The following PHACTR2 variants were observed in gnomAD, a reference collection of about 807,000 sequenced individuals.
The protein encoded by PHACTR2 is phosphatase and actin regulator 2.
PHACTR2 carries 30 observed loss-of-function variants against 76.0 expected under a neutral mutation model. The ratio of observed to expected loss-of-function variants is 0.39; its 90% confidence interval spans 0.30 to 0.54. The LOEUF is 0.54. Among genes scored for constraint, PHACTR2 ranks in the 20% least tolerant of loss-of-function variants. PHACTR2 has a pLI of 0.61. For missense variants in PHACTR2, 696 were observed against 781.1 expected, an observed-to-expected ratio of 0.89 and a Z score of 1.30; for synonymous variants, 292 against 292.5, an observed-to-expected ratio of 1.00 and a Z score of 0.02.
In PHACTR2 at chr6:143,623,565, A is replaced by G. The variant is rs972708918; in HGVS notation, c.13+15243A>G. Among the ~76,000 whole-genome samples the G allele has an allele frequency of 6.6e-6, 1 of 152,146 alleles. No homozygotes were observed. Reference sequence around the variant, plus strand: ...ACTCCAGCATGGGCAACAGAGTGAGACTCTGACTCGAAATAATAATAATAG... The same window carrying G: ...ACTCCAGCATGGGCAACAGAGTGAGGCTCTGACTCGAAATAATAATAATAG... On this transcript the variant is annotated intron_variant, in intron 1 of 11. Transcript: ENST00000305766. This position sits in a 1 kb window ranked among gnomAD's most constrained non-coding sequence, Gnocchi z 5.9.
chr6:143,769,049 A>G (rs1459660187), intron 6 of PHACTR2, among the ~76,000 whole-genome samples: 1 of 152,150 alleles, frequency 6.6e-6, no homozygotes, highest in Non-Finnish European at 1.5e-5. Flanking sequence ...GTTATGTTTC[A>G]TCAACTAATG....
chr6:143,719,005 C>G (rs1043737500), intron 2 of PHACTR2, among the ~76,000 whole-genome samples: 2 of 151,638 alleles, frequency 1.3e-5, no homozygotes, highest in Admixed American at 6.6e-5. Context: ...GCCTCAGCCT[C>G]CTGAGTAGCA....
rs1775791500 is a variant in PHACTR2 at position 143,794,897 on chromosome 6, A to C, written c.1845+5987A>C. On this transcript the variant is annotated intron_variant, in intron 11 of 12. Coordinates refer to ENST00000440869, the MANE Select transcript of PHACTR2 (RefSeq NM_001100164.2). This position sits in a 1 kb window ranked among gnomAD's most constrained non-coding sequence, Gnocchi z 4.1. ...TCTCTTATCTTAGTGCCATTTTCTT[A>C]GCCCCATTAAGCTACCACCTTGCAT... Among the ~76,000 whole-genome samples the C allele has an allele frequency of 6.6e-6, 1 of 152,270 alleles. No individual in the cohort carries two copies. The highest frequency in any genetic ancestry group is 2.1e-4 in the South Asian group (1 of 4,824).
chr6:143,573,742 C>T (rs12176035), intron 1 of PHACTR2, among the ~76,000 whole-genome samples: 1 of 151,918 alleles, frequency 6.6e-6, no homozygotes, highest in Non-Finnish European at 1.5e-5. Context: ...ATTATGATGT[C>T]CTTGAAACTG....
chr6:143,744,891 A>G (rs1779022777), intron 2 of PHACTR2, among the ~76,000 whole-genome samples: 1 of 152,200 alleles, frequency 6.6e-6, no homozygotes, highest in South Asian at 2.1e-4. Context: ...GAACTGTCAA[A>G]ACATCAATTA....
rs183826614 is a variant in PHACTR2 at position 143,565,549 on chromosome 6, G to A, written c.217+28342G>A. 5.6e-3 allele frequency among the ~76,000 whole-genome samples: 845 copies of A among 151,186 alleles called. 10 individuals carry two copies. The highest frequency in any genetic ancestry group is 0.019 in the African/African-American group (799 of 41,084). ...GAACCCGGGAGGCGGAGCTTGCAGTGAGCCAAGATCGCGCCACTGCACTCC... is the reference window on the plus strand; with the variant it reads ...GAACCCGGGAGGCGGAGCTTGCAGTAAGCCAAGATCGCGCCACTGCACTCC... On this transcript the variant is annotated intron_variant, in intron 1 of 11. Coordinates refer to the PHACTR2 transcript ENST00000367584.
rs575781351 is a variant in PHACTR2 at position 143,627,758 on chromosome 6, C to T, written c.13+19436C>T. ...CTGGGACTACAGGCTCGTACCGCCA[C>T]GCCCAGCTAATTTTTTGTATTTTTA... On this transcript the variant is annotated intron_variant, in intron 1 of 11. Transcript: ENST00000305766. The surrounding 1 kb of genome is among the most constrained non-coding windows in gnomAD (Gnocchi z 4.3). Among the ~76,000 whole-genome samples the T allele has an allele frequency of 2.1e-4, 32 of 152,184 alleles. No individual in the cohort carries two copies. The South Asian group carries it at 4.6e-3, about 22-fold the overall frequency.
intron 7 of PHACTR2, among the ~76,000 whole-genome samples, chr6:143,773,832 T>A (rs1234383280): frequency 6.6e-6 from 1 of 152,236 alleles, no homozygotes; most frequent in East Asian, 1.9e-4. Flanking sequence ...TTTTTCATGG[T>A]GTCCCAATAT....
intron 1 of PHACTR2, among the ~76,000 whole-genome samples, chr6:143,544,455 TGCCACC>T (rs1781204372): frequency 6.6e-6 from 1 of 152,136 alleles, no homozygotes; most frequent in African/African-American, 2.4e-5. Flanking sequence ...GATTGACACC[TGCCACC>T]TCCCTATGCT....
At position 143,596,792 on chromosome 6, in the gene PHACTR2, C is replaced by T. The variant is rs1211339353; in HGVS notation, c.217+59585C>T. On this transcript the variant is annotated intron_variant, in intron 1 of 11. Coordinates refer to the PHACTR2 transcript ENST00000367584. This position sits in a 1 kb window ranked among gnomAD's most constrained non-coding sequence, Gnocchi z 4.6. ...GTTTGAGGTTGCAGTGAACTGTGAT[C>T]GTGCCACAGCATTCCAGCTTGAGTG... 6.6e-6 allele frequency among the ~76,000 whole-genome samples: 1 copy of T among 152,068 alleles called. No individual in the cohort carries two copies. Among genetic ancestry groups the T allele is most frequent in the Non-Finnish European group, 1.5e-5 (1 of 68,014 alleles).
chr6:143,666,736 C>T (rs2128449620), intron 1 of PHACTR2, among the ~76,000 whole-genome samples: 1 of 152,236 alleles, frequency 6.6e-6, no homozygotes, highest in Non-Finnish European at 1.5e-5. Flanking sequence ...TTTGTTTTTT[C>T]TTGTAAATTT....
rs1779275327 is a variant in PHACTR2, at chr6:143,755,363, A to G, written c.454+1451A>G. On this transcript the variant is annotated intron_variant, in intron 4 of 12. Transcript: ENST00000440869. This position sits in a 1 kb window ranked among gnomAD's most constrained non-coding sequence, Gnocchi z 5.2. ...CCTGGCAGCCTTCTCACATCCAAGA[A>G]TCGCATCCTGCATTACGTAACAGTG... The G allele has an allele frequency of 4.4e-6, 2 of 455,896 alleles. No individual in the cohort carries two copies. Among genetic ancestry groups the G allele is most frequent in the African/African-American group, 2.0e-5 (1 of 50,060 alleles). 28.2% of individuals were successfully genotyped at this position (455,896 alleles called of 1,614,324 possible). A position where few individuals can be genotyped will look rare whatever the true frequency, so the allele number is the denominator to read the frequency against.
rs959213714 is a variant in PHACTR2, at chr6:143,652,624, G to C, written c.13+44302G>C. ...ATCTTATTAAAAAGCTCAGGGTTTC[G>C]GGAATCCGACTGTTCTGCAAATGCC... is the stretch of plus-strand genomic sequence containing the variant. On this transcript the variant is annotated intron_variant, in intron 1 of 11. Coordinates refer to the PHACTR2 transcript ENST00000305766. The surrounding 1 kb of genome is among the most constrained non-coding windows in gnomAD (Gnocchi z 4.5). 6.6e-6 allele frequency among the ~76,000 whole-genome samples: 1 copy of C among 152,166 alleles called. No homozygotes were observed. Among genetic ancestry groups the C allele is most frequent in the Non-Finnish European group, 1.5e-5 (1 of 68,040 alleles).
rs999759920 is a variant in PHACTR2, at chr6:143,663,871, C to A, written c.14-48145C>A. Among the ~76,000 whole-genome samples the A allele has an allele frequency of 2.6e-5, 4 of 151,962 alleles. No individual in the cohort carries two copies. The highest frequency in any genetic ancestry group is 5.9e-5 in the Non-Finnish European group (4 of 67,970). ...CTAGTGTTAAATCAATGTACAGTTG[C>A]CATTTTCTTGAGTACAAGTCTCTAC... On this transcript the variant is annotated intron_variant, in intron 1 of 11. Transcript: ENST00000305766. The surrounding 1 kb of genome is among the most constrained non-coding windows in gnomAD (Gnocchi z 4.1).
chr6:143,722,385 G>A lies in PHACTR2; in HGVS notation c.214+10202G>A, dbSNP rs1346292276. Among the ~76,000 whole-genome samples, 1 of 151,852 alleles carries A rather than the reference G, an allele frequency of 6.6e-6. No individual in the cohort carries two copies. The highest frequency in any genetic ancestry group is 2.4e-5 in the African/African-American group (1 of 41,342). On this transcript the variant is annotated intron_variant, in intron 2 of 12. Coordinates refer to ENST00000440869, the MANE Select transcript of PHACTR2 (RefSeq NM_001100164.2). This position sits in a 1 kb window ranked among gnomAD's most constrained non-coding sequence, Gnocchi z 4.1. ...TCTGGTTTTATACCATTTTGTGGGT[G>A]TTTTCTTCTCTCTTGAATTCAACTT...
chr6:143,697,744 A>G lies in PHACTR2; in HGVS notation c.47-14272A>G, dbSNP rs553615393. ...AAAATCTAAAGACCTGCTAAAATAAATCATAGCCTAGGCCTTGTAAATTAT... is the reference window on the plus strand; with the variant it reads ...AAAATCTAAAGACCTGCTAAAATAAGTCATAGCCTAGGCCTTGTAAATTAT... On this transcript the variant is annotated intron_variant, in intron 1 of 12. Transcript: ENST00000440869. This position sits in a 1 kb window ranked among gnomAD's most constrained non-coding sequence, Gnocchi z 4.4. Among the ~76,000 whole-genome samples the G allele has an allele frequency of 1.6e-3, 238 of 152,356 alleles. No homozygotes were observed. The highest frequency in any genetic ancestry group is 2.2e-3 in the Non-Finnish European group (152 of 68,030).
chr6:143,645,743 G>A (rs1340397971), intron 1 of PHACTR2, among the ~76,000 whole-genome samples: 1 of 152,106 alleles, frequency 6.6e-6, no homozygotes. Context: ...TGTTTAGTAA[G>A]TCATGTTGAC....
intron 1 of PHACTR2, among the ~76,000 whole-genome samples, chr6:143,564,331 G>A (rs563265254): frequency 4.0e-5 from 6 of 149,394 alleles, no homozygotes; most frequent in African/African-American, 1.5e-4. Flanking sequence ...TTGGCCAGGT[G>A]CAGTGGCTCA....
chr6:143,545,132 A>G (rs1470057861), intron 1 of PHACTR2, among the ~76,000 whole-genome samples: 1 of 151,998 alleles, frequency 6.6e-6, no homozygotes, highest in Non-Finnish European at 1.5e-5. Context: ...TTGGGTAGAG[A>G]TGGGGTTTCA....
Sources: allele counts gnomAD v4.1 joint callset (sites outside exome capture counted in the v4.1 genomes callset), GRCh38; gene constraint gnomAD v4.1.1; non-coding constraint Gnocchi (gnomAD v3.1); transcripts MANE v1.5; gene names NCBI Gene and HGNC (gene_info 2026-07-23, HGNC 2026-07-21).